ZC3H12D: variants seen among roughly 807,000 people sequenced by gnomAD.
The protein encoded by ZC3H12D is zinc finger CCCH-type containing 12D.
ZC3H12D carries 11 observed loss-of-function variants against 24.2 expected under a neutral mutation model. The ratio of observed to expected loss-of-function variants is 0.46; its 90% confidence interval spans 0.29 to 0.75. The LOEUF (loss-of-function observed/expected upper bound fraction) is 0.75. ZC3H12D is among the 30% of genes least tolerant of loss of function. The pLI, the probability that ZC3H12D is intolerant of heterozygous loss-of-function variation, is 0.11. For synonymous variants in ZC3H12D, 333 were observed against 341.8 expected (o/e 0.97, Z 0.28); for missense variants, 740 against 767.7 (o/e 0.96, Z 0.43).
chr6:149,467,026 G>C (rs1305985691), intron 2 of ZC3H12D, among the ~76,000 whole-genome samples: 1 of 152,120 alleles, frequency 6.6e-6, no homozygotes, highest in Middle Eastern at 3.2e-3. Context: ...CCTTTGGTGG[G>C]TGTAGGAGGC....
In ZC3H12D at chr6:149,455,799, G is replaced by A. The variant is rs568777574; in HGVS notation, c.680+867C>T. On this transcript the variant is annotated intron_variant, in intron 4 of 5. Coordinates refer to ENST00000409806, the MANE Select transcript of ZC3H12D (RefSeq NM_207360.3). Reference sequence around the variant, plus strand: ...CACCTAAAATCTCAACACTTTGGGAGGCTGAGGCAGGAGGATCGCTTGAGC... The same window carrying A: ...CACCTAAAATCTCAACACTTTGGGAAGCTGAGGCAGGAGGATCGCTTGAGC... Among the ~76,000 whole-genome samples, 7 of 152,188 alleles carry A rather than the reference G, an allele frequency of 4.6e-5. No homozygotes were observed. The South Asian group carries it at 1.2e-3, about 27-fold the overall frequency.
intron 2 of ZC3H12D, among the ~76,000 whole-genome samples, chr6:149,464,198 G>A (rs117053307): frequency 8.5e-5 from 13 of 152,268 alleles, no homozygotes; most frequent in African/African-American, 2.9e-4. Context: ...CAGGAGGGAC[G>A]GATCTGAGAA....
At position 149,470,386 on chromosome 6, in the gene ZC3H12D, T is replaced by G. The variant is rs1344409627; in HGVS notation, c.305+3853A>C. On this transcript the variant is annotated intron_variant, in intron 2 of 5. Transcript: ENST00000409806. ...ACAAACAAACAAAAAACTACAAAAATTAGCCAGGTGTAGTGGCAGGCACCC... is the reference window on the plus strand; with the variant it reads ...ACAAACAAACAAAAAACTACAAAAAGTAGCCAGGTGTAGTGGCAGGCACCC... Among the ~76,000 whole-genome samples, 5 of 151,608 alleles carry G rather than the reference T, an allele frequency of 3.3e-5. No individual in the cohort carries two copies. In the East Asian group the frequency reaches 7.8e-4, roughly 24 times the overall value.
At position 149,456,610 on chromosome 6, in the gene ZC3H12D, A is replaced by T; in HGVS notation, c.680+56T>A. The T allele has an allele frequency of 3.2e-5, 34 of 1,049,048 alleles. No individual in the cohort carries two copies. The highest frequency in any genetic ancestry group is 1.1e-4 in the East Asian group (4 of 38,040). 65.0% of individuals were successfully genotyped at this position (1,049,048 alleles called of 1,614,324 possible). ...GGTAGCAGGCGTGGCCACTGCCTCG[A>T]CCCCGGCCCCCCGCCCCGCCGCCCC... On this transcript the variant is annotated intron_variant, in intron 4 of 5. Coordinates refer to ENST00000409806, the MANE Select transcript of ZC3H12D (RefSeq NM_207360.3). This position sits in a 1 kb window ranked among gnomAD's most constrained non-coding sequence, Gnocchi z 4.3.
At chr6:149,454,783 C>T (rs1307332307) in intron 4 of ZC3H12D, among the ~76,000 whole-genome samples, 7 of 152,240 alleles carry the variant, frequency 4.6e-5, no homozygotes, top group Admixed American at 4.6e-4. Context: ...TTTCTGGAGC[C>T]CATAGTTACC....
intron 2 of ZC3H12D, among the ~76,000 whole-genome samples, chr6:149,467,994 T>C (rs894415408): frequency 6.6e-6 from 1 of 152,134 alleles, no homozygotes; most frequent in African/African-American, 2.4e-5. Flanking sequence ...TTTCTGTTTG[T>C]TTTTGAGACG....
chr6:149,482,671 T>C (rs563962507), intron 1 of ZC3H12D, among the ~76,000 whole-genome samples: 204 of 152,174 alleles, frequency 1.3e-3, no homozygotes, highest in Non-Finnish European at 2.3e-3. Context: ...AGCCTCTGAC[T>C]AGAAGGGCCC....
At chr6:149,480,789 T>C (rs760988306) in intron 1 of ZC3H12D, among the ~76,000 whole-genome samples, 5 of 151,904 alleles carry the variant, frequency 3.3e-5, no homozygotes, top group Non-Finnish European at 5.9e-5. Flanking sequence ...CTTATCTTCC[T>C]TGGAGGGGCA....
rs752355334 is a variant in ZC3H12D, at chr6:149,456,725, G to A, written c.621C>T (p.Asn207=). 1 of 1,613,822 alleles carries A rather than the reference G, an allele frequency of 6.2e-7. No homozygotes were observed. Among genetic ancestry groups the A allele is most frequent in the Non-Finnish European group, 8.5e-7 (1 of 1,179,782 alleles). Residue 207 remains asparagine (N), a synonymous_variant, in exon 4 of 6, where the codon AAC becomes AAT. Coordinates refer to ENST00000409806, the MANE Select transcript of ZC3H12D (RefSeq NM_207360.3). This position sits in a 1 kb window ranked among gnomAD's most constrained non-coding sequence, Gnocchi z 4.3. ...NDNYRDLQSE[N]PEWKWFIEQR... Reference sequence around the variant, plus strand: ...GCTCGATGAACCACTTCCACTCGGGGTTCTCGCTCTGCAGGTCCCGGTAGT... The same window carrying A: ...GCTCGATGAACCACTTCCACTCGGGATTCTCGCTCTGCAGGTCCCGGTAGT...
At chr6:149,469,254 G>C (rs1047368498) in intron 2 of ZC3H12D, among the ~76,000 whole-genome samples, 1 of 152,130 alleles carries the variant, frequency 6.6e-6, no homozygotes, top group Non-Finnish European at 1.5e-5. Flanking sequence ...TCAGGAGATC[G>C]AGACCATCCT....
At chr6:149,482,740 G>A (rs1776445486) in intron 1 of ZC3H12D, among the ~76,000 whole-genome samples, 2 of 152,170 alleles carry the variant, frequency 1.3e-5, no homozygotes, top group South Asian at 2.1e-4. Flanking sequence ...CAGCTCCCAC[G>A]GGTGCTTCCT....
chr6:149,461,765 C>G, intron 3 of ZC3H12D, 66 bp downstream of exon 3: 5 of 1,463,930 alleles, frequency 3.4e-6, no homozygotes, highest in Non-Finnish European at 4.6e-6. Flanking sequence ...ATTTGACTAT[C>G]GATGTTAGAA....
intron 1 of ZC3H12D, 117 bp from the exon 2 acceptor site, chr6:149,474,730 G>A (rs1776304854): frequency 6.6e-6 from 3 of 457,568 alleles, no homozygotes. Context: ...GTGGAGCCCA[G>A]TCCCACTGGG....
chr6:149,475,004 A>G (rs384306), intron 1 of ZC3H12D, among the ~76,000 whole-genome samples: 60,753 of 151,954 alleles, frequency 0.4, 12,849 homozygotes, highest in African/African-American at 0.51. Flanking sequence ...GAGTGTGACT[A>G]TATTTAGAGC....
chr6:149,468,670 C>G (rs1438121648), intron 2 of ZC3H12D, among the ~76,000 whole-genome samples: 2 of 152,112 alleles, frequency 1.3e-5, no homozygotes, highest in Non-Finnish European at 2.9e-5. Flanking sequence ...GGAAAGAGAC[C>G]GTGAGCAGGG....
chr6:149,458,245 C>G (rs904259226), intron 3 of ZC3H12D, among the ~76,000 whole-genome samples: 10 of 144,194 alleles, frequency 6.9e-5, no homozygotes, highest in Admixed American at 3.6e-4. Flanking sequence ...AGGTGATCCT[C>G]TTACCTCAGC....
In ZC3H12D at chr6:149,456,595, G is replaced by A. The variant is rs1022349231; in HGVS notation, c.680+71C>T. 23 of 1,331,518 alleles carry A rather than the reference G, an allele frequency of 1.7e-5. No individual in the cohort carries two copies. The highest frequency in any genetic ancestry group is 2.1e-5 in the Non-Finnish European group (20 of 962,844). 82.5% of individuals were successfully genotyped at this position (1,331,518 alleles called of 1,614,324 possible). Reference sequence around the variant, plus strand: ...CAAGCTCCTCCACCTGGTAGCAGGCGTGGCCACTGCCTCGACCCCGGCCCC... The same window carrying A: ...CAAGCTCCTCCACCTGGTAGCAGGCATGGCCACTGCCTCGACCCCGGCCCC... On this transcript the variant is annotated intron_variant, in intron 4 of 5. Coordinates refer to ENST00000409806, the MANE Select transcript of ZC3H12D (RefSeq NM_207360.3). This position sits in a 1 kb window ranked among gnomAD's most constrained non-coding sequence, Gnocchi z 4.3.
At chr6:149,473,710 C>T (rs917330999) in intron 2 of ZC3H12D, among the ~76,000 whole-genome samples, 3 of 152,254 alleles carry the variant, frequency 2.0e-5, no homozygotes, top group Admixed American at 6.5e-5. Flanking sequence ...GGGCTTCCAG[C>T]GCACTTCAAA....
chr6:149,479,948 A>G (rs1347451305), intron 1 of ZC3H12D, among the ~76,000 whole-genome samples: 2 of 152,092 alleles, frequency 1.3e-5, no homozygotes, highest in East Asian at 3.9e-4. Context: ...CAAAGAAGAA[A>G]TCTCGAAGTC....
Sources: allele counts gnomAD v4.1 joint callset (sites outside exome capture counted in the v4.1 genomes callset), GRCh38; gene constraint gnomAD v4.1.1; non-coding constraint Gnocchi (gnomAD v3.1); transcripts MANE v1.5; gene names NCBI Gene and HGNC (gene_info 2026-07-23, HGNC 2026-07-21).